Variants in PTPRT observed in about 807,000 individuals in gnomAD.
PTPRT encodes protein tyrosine phosphatase receptor type T.
Under a neutral mutation model 176.8 loss-of-function variants are expected in PTPRT, and 56 were observed. That is an observed-to-expected ratio of 0.32 (90% CI 0.26 to 0.40). PTPRT has a LOEUF of 0.40. PTPRT is among the 10% of genes least tolerant of loss of function. The probability of loss-of-function intolerance (pLI) is 1.00; values close to 1 mark genes in which losing one functional copy is unlikely to be tolerated. For synonymous variants in PTPRT, 783 were observed against 739.0 expected, an observed-to-expected ratio of 1.06 and a Z score of -0.96; for missense variants, 1,540 against 1,908.2, an observed-to-expected ratio of 0.81 and a Z score of 3.60.
At chr20:42,070,503 G>A (rs1208856855), downstream of PTPRT, among the ~76,000 whole-genome samples, 1 of 151,984 alleles carries the variant, frequency 6.6e-6, no homozygotes, top group Admixed American at 6.6e-5. Flanking sequence ...TAGCATCACT[G>A]TGAGAACCCA....
chr20:42,577,297 C>G (rs1254439449), intron 7 of PTPRT, among the ~76,000 whole-genome samples: 1 of 152,146 alleles, frequency 6.6e-6, no homozygotes, highest in East Asian at 1.9e-4. Context: ...AATGGCCATG[C>G]AGGTGCCAGT....
chr20:42,780,215 T>C lies in PTPRT; in HGVS notation c.568+3A>G. ...CTGTGTTGGGAGGAAGGGAAAGACT[T>C]ACTGCATGGATGAGCAAGGACCCGG... On this transcript the variant is annotated splice_donor_region_variant and intron_variant, in intron 4 of 30. Coordinates refer to ENST00000373187, the MANE Select transcript of PTPRT (RefSeq NM_007050.6). 1 of 1,611,806 alleles carries C rather than the reference T, an allele frequency of 6.2e-7. No individual in the cohort carries two copies.
Position 43,101,348 on chromosome 20 carries a change from T to C in PTPRT, c.88+88298A>G, listed in dbSNP as rs2012385564. Among the ~76,000 whole-genome samples, 3 of 152,070 alleles carry C rather than the reference T, an allele frequency of 2.0e-5. No homozygotes were observed. The East Asian group carries it at 5.8e-4, about 29-fold the overall frequency. ...GCTCACACGCTGGGAATCAGCATAG[T>C]ATTATGGGCAGGAACATGGACTGGA... On this transcript the variant is annotated intron_variant, in intron 1 of 30. Transcript: ENST00000373187.
At chr20:43,098,907 T>C (rs1187401600) in intron 1 of PTPRT, among the ~76,000 whole-genome samples, 2 of 152,174 alleles carry the variant, frequency 1.3e-5, no homozygotes, top group African/African-American at 4.8e-5. Context: ...GGAACTGCCC[T>C]CAATCATTCT....
intron 7 of PTPRT, among the ~76,000 whole-genome samples, chr20:42,554,930 A>C (rs1008178457): frequency 6.6e-6 from 1 of 152,236 alleles, no homozygotes; most frequent in African/African-American, 2.4e-5. Context: ...AGAAAAGCTA[A>C]GTCAACCGTT....
In PTPRT at chr20:42,098,506, G is replaced by C. The variant is rs2146211353; in HGVS notation, c.3761C>G (p.Pro1254Arg). Residue 1254 changes from proline to arginine, a missense_variant, in exon 27 of 31, where the codon CCC becomes CGC. Physicochemically the swap from Pro to Arg is moderately radical, Grantham distance 103. Coordinates refer to ENST00000373187, the MANE Select transcript of PTPRT (RefSeq NM_007050.6). ...CCTCCAGAAGTCTGCCACGGTGTTG[G>C]GTAGAGGGTGCTGGGTGACCACGAA... Reference protein sequence around the residue: ...AAFVVTQHPLPNTVADFWRLV... With the variant: ...AAFVVTQHPLRNTVADFWRLV... The C allele has an allele frequency of 6.2e-7, 1 of 1,614,208 alleles. No homozygotes were observed. Among genetic ancestry groups the C allele is most frequent in the South Asian group, 1.1e-5 (1 of 91,080 alleles).
rs772453809 is a variant in PTPRT at position 42,259,020 on chromosome 20, CAGA to C, written c.2177-10201_2177-10199del. ...AACTAAAACTGCTAAATATTGCTGA[CAGA>C]AGTTGCCCTCGTTTTCGGCCTCGAA... On this transcript the variant is annotated intron_variant, in intron 13 of 30. Transcript: ENST00000373187. Among the ~76,000 whole-genome samples the C allele has an allele frequency of 7.4e-4, 112 of 152,356 alleles. 1 individual carries two copies. The highest frequency in any genetic ancestry group is 1.5e-3 in the Non-Finnish European group (101 of 68,036).
chr20:43,034,609 A>G (rs1986297704), intron 1 of PTPRT, among the ~76,000 whole-genome samples: 1 of 151,166 alleles, frequency 6.6e-6, no homozygotes, highest in Non-Finnish European at 1.5e-5. Flanking sequence ...CCTAATCCTA[A>G]TATTAGGCTG....
intron 1 of PTPRT, among the ~76,000 whole-genome samples, chr20:43,002,691 T>C (rs988176295): frequency 6.6e-6 from 1 of 151,984 alleles, no homozygotes; most frequent in African/African-American, 2.4e-5. Context: ...ATGAACCCAA[T>C]ACATATCAAA....
intron 7 of PTPRT, among the ~76,000 whole-genome samples, chr20:42,529,744 C>G (rs2072345932): frequency 6.6e-6 from 1 of 151,676 alleles, no homozygotes; most frequent in South Asian, 2.1e-4. Flanking sequence ...TCCTCAGTCT[C>G]CCAAAGTGCT....
intron 13 of PTPRT, among the ~76,000 whole-genome samples, chr20:42,281,413 C>A (rs564071391): frequency 2.0e-5 from 3 of 152,238 alleles, no homozygotes; most frequent in Non-Finnish European, 4.4e-5. Context: ...CTCTTTTGTG[C>A]CTACATATTG....
At chr20:43,067,321 T>G (rs1464245602) in intron 1 of PTPRT, among the ~76,000 whole-genome samples, 1 of 150,836 alleles carries the variant, frequency 6.6e-6, no homozygotes, top group African/African-American at 2.4e-5. Context: ...GAATGGGGAG[T>G]GGGGGTTGGA....
At chr20:42,270,444 C>A (rs1359501262) in intron 13 of PTPRT, 16 of 1,537,918 alleles carry the variant, frequency 1.0e-5, no homozygotes, top group Non-Finnish European at 1.4e-5. Flanking sequence ...CTGGGCGCTG[C>A]CCATTGGTGC....
chr20:42,962,217 A>AT (rs1600598444), intron 1 of PTPRT, among the ~76,000 whole-genome samples: 1 of 152,222 alleles, frequency 6.6e-6, no homozygotes, highest in Non-Finnish European at 1.5e-5. Flanking sequence ...TGCCTAGTTT[A>AT]TAGGGTTGAT....
chr20:42,602,775 G>T (rs1178402931), intron 7 of PTPRT, among the ~76,000 whole-genome samples: 1 of 151,874 alleles, frequency 6.6e-6, no homozygotes, highest in Non-Finnish European at 1.5e-5. Context: ...AGGAGCAGGG[G>T]CTTCACAGTC....
intron 11 of PTPRT, among the ~76,000 whole-genome samples, chr20:42,345,974 A>T (rs1419089874): frequency 6.6e-6 from 1 of 152,158 alleles, no homozygotes; most frequent in Non-Finnish European, 1.5e-5. Context: ...TAAGCAGGAA[A>T]GTTAACTTGA....
At chr20:42,845,207 T>C (rs1263336093) in intron 2 of PTPRT, among the ~76,000 whole-genome samples, 1 of 152,154 alleles carries the variant, frequency 6.6e-6, no homozygotes, top group Non-Finnish European at 1.5e-5. Flanking sequence ...TGTCCACTGT[T>C]GTTTCTGTTT....
intron 2 of PTPRT, among the ~76,000 whole-genome samples, chr20:42,825,325 G>A (rs2077973563): frequency 6.6e-6 from 1 of 152,034 alleles, no homozygotes; most frequent in South Asian, 2.1e-4. Context: ...AAGACTGAAA[G>A]CAATTTCAAC....
intron 29 of PTPRT, among the ~76,000 whole-genome samples, chr20:42,082,413 T>G (rs1488446152): frequency 6.6e-6 from 1 of 152,216 alleles, no homozygotes; most frequent in Non-Finnish European, 1.5e-5. Context: ...TCCTTGCTGA[T>G]GCTTGCATCC....
Sources: allele counts gnomAD v4.1 joint callset (sites outside exome capture counted in the v4.1 genomes callset), GRCh38; gene constraint gnomAD v4.1.1; transcripts MANE v1.5; gene names NCBI Gene and HGNC (gene_info 2026-07-23, HGNC 2026-07-21).